Variants in VRK3 observed in about 807,000 individuals in gnomAD.
VRK3 encodes VRK serine/threonine kinase 3.
Under a neutral mutation model 60.4 loss-of-function variants are expected in VRK3, and 50 were observed. That is an observed-to-expected ratio of 0.83 (90% confidence interval 0.66 to 1.05). The LOEUF (loss-of-function observed/expected upper bound fraction) is 1.05. Ranked by LOEUF, VRK3 falls within the 50% of genes least tolerant of loss-of-function variation. The probability of loss-of-function intolerance (pLI) is 0.00; values close to 1 mark genes in which losing one functional copy is unlikely to be tolerated. For synonymous variants in VRK3, 246 were observed against 227.8 expected (o/e 1.08, Z -0.72); for missense variants, 549 against 585.3 (o/e 0.94, Z 0.64).
At chr19:50,015,708 C>G in intron 3 of VRK3, 2 of 331,738 alleles carry the variant, frequency 6.0e-6, no homozygotes, top group East Asian at 1.0e-4. Context: ...CAGTCCTCAT[C>G]ATTTCGGATA....
intron 12 of VRK3, chr19:49,987,982 G>A (rs1271034588): frequency 8.0e-5 from 13 of 163,512 alleles, no homozygotes; most frequent in Non-Finnish European, 1.6e-4. Context: ...GATTACAGGC[G>A]TGAGCCACCG....
At chr19:50,002,144 C>T (rs928783513) in intron 5 of VRK3, among the ~76,000 whole-genome samples, 8 of 152,190 alleles carry the variant, frequency 5.3e-5, no homozygotes, top group African/African-American at 1.7e-4. Context: ...ACCTGACTCA[C>T]GCTGGTGTCC....
intron 13 of VRK3, among the ~76,000 whole-genome samples, chr19:49,980,058 T>A (rs904500727): frequency 1.3e-5 from 2 of 150,950 alleles, no homozygotes; most frequent in African/African-American, 2.5e-5. Context: ...TCAAAAAAAA[T>A]AATAAAATAA....
At chr19:49,994,694 G>T in intron 9 of VRK3, 120 bp downstream of exon 9, 1 of 896,238 alleles carries the variant, frequency 1.1e-6, no homozygotes, top group Non-Finnish European at 1.7e-6. Flanking sequence ...CAGTGAGCCA[G>T]CCCCCAGTGT....
chr19:49,981,873 G>A, intron 12 of VRK3: 4 of 1,197,522 alleles, frequency 3.3e-6, no homozygotes, highest in Non-Finnish European at 4.3e-6. Context: ...CAAACATTTT[G>A]AGGAGATTTT....
At chr19:49,993,080 CCTGA>C (rs1195715256) in intron 9 of VRK3, 128 bp from the exon 10 acceptor site, 4 of 773,198 alleles carry the variant, frequency 5.2e-6, no homozygotes, top group Non-Finnish European at 8.4e-6. Flanking sequence ...GGGGGTTAAA[CCTGA>C]CTAAATCCGG....
rs190878574 is a variant in VRK3 at position 49,996,778 on chromosome 19, G to A, written c.679+726C>T. Among the ~76,000 whole-genome samples, 802 of 151,766 alleles carry A rather than the reference G, an allele frequency of 5.3e-3. 4 individuals carry two copies. The highest frequency in any genetic ancestry group is 0.016 in the South Asian group (78 of 4,792). On this transcript the variant is annotated intron_variant, in intron 7 of 14. Transcript: ENST00000316763. ...ATTACAGGCACACGCCACCACGCCT[G>A]GCTAATTTTTGTATTTTTAGTAGAG...
chr19:49,989,836 C>A, intron 10 of VRK3, 65 bp from the exon 11 acceptor site: 1 of 1,505,188 alleles, frequency 6.6e-7, no homozygotes, highest in South Asian at 1.3e-5. Flanking sequence ...AGATTTCCAT[C>A]GTGGGTGCAA....
chr19:50,013,984 T>C (rs2077035666), intron 3 of VRK3, among the ~76,000 whole-genome samples: 3 of 152,144 alleles, frequency 2.0e-5, no homozygotes, highest in Admixed American at 2.0e-4. Context: ...TCTGAAGGCA[T>C]GGCTGGGCGC....
chr19:50,023,706 C>T (rs2077208426), intron 1 of VRK3, among the ~76,000 whole-genome samples: 2 of 151,048 alleles, frequency 1.3e-5, no homozygotes, highest in East Asian at 4.0e-4. Context: ...ATCATTGTCT[C>T]CTTTGCAAAA....
chr19:49,979,707 G>C (rs2076390652), intron 13 of VRK3, among the ~76,000 whole-genome samples: 1 of 152,192 alleles, frequency 6.6e-6, no homozygotes, highest in Admixed American at 6.5e-5. Context: ...AACTGGAGGG[G>C]AGTGTCACTT....
chr19:49,984,979 ATGTG>A (rs10547355), intron 12 of VRK3, among the ~76,000 whole-genome samples: 71 of 152,154 alleles, frequency 4.7e-4, no homozygotes, highest in African/African-American at 1.5e-3. Flanking sequence ...CCAGAGAAGG[ATGTG>A]TGTGTGTGTC....
chr19:49,998,506 T>C (rs960809638), intron 6 of VRK3: 2 of 150,828 alleles, frequency 1.3e-5, no homozygotes, highest in Non-Finnish European at 2.9e-5. Context: ...GCACCAAATA[T>C]TTTAATTAAA....
At chr19:50,017,453 A>G (rs1185137492) in intron 2 of VRK3, among the ~76,000 whole-genome samples, 2 of 151,222 alleles carry the variant, frequency 1.3e-5, no homozygotes, top group African/African-American at 4.9e-5. Context: ...GCACGCCTGT[A>G]ATCCCAGCTA....
At chr19:50,024,973 C>T (rs1020054300) in intron 1 of VRK3, 6 of 152,232 alleles carry the variant, frequency 3.9e-5, no homozygotes, top group Admixed American at 3.3e-4. Context: ...GGCCGCACCT[C>T]CATAGAAACC....
chr19:49,982,956 A>C (rs1600652345), intron 12 of VRK3, among the ~76,000 whole-genome samples: 5 of 146,476 alleles, frequency 3.4e-5, no homozygotes, highest in South Asian at 4.4e-4. Flanking sequence ...CCCCAGCCCC[A>C]CCCTCCAGTT....
At position 50,007,814 on chromosome 19, in the gene VRK3, C is replaced by T. The variant is rs1422094490; in HGVS notation, c.302G>A (p.Arg101Lys). The change falls in exon 5 of 15, where the codon AGA becomes AAA. Residue 101 changes from arginine (R) to lysine (K), a missense_variant. Physicochemically the swap from Arg to Lys is conservative, Grantham distance 26. Transcript: ENST00000316763. ...AGGGCTGCTTTTGGGGGTTGGGGGT[C>T]TGCTCCCGGAGCCTGCAGGAGGATG... Reference protein sequence around the residue: ...SSERSKGSGSRPPTPKSSPQK... With the variant: ...SSERSKGSGSKPPTPKSSPQK... The T allele has an allele frequency of 8.1e-6, 13 of 1,614,206 alleles. No homozygotes were observed. Among genetic ancestry groups the T allele is most frequent in the Non-Finnish European group, 1.1e-5 (13 of 1,180,042 alleles).
At chr19:49,983,455 G>A (rs1173355466) in intron 12 of VRK3, among the ~76,000 whole-genome samples, 1 of 152,162 alleles carries the variant, frequency 6.6e-6, no homozygotes, top group African/African-American at 2.4e-5. Context: ...TCCCATGGCG[G>A]CCATTGACAT....
intron 2 of VRK3, among the ~76,000 whole-genome samples, chr19:50,018,750 G>T (rs937794339): frequency 6.6e-6 from 1 of 152,126 alleles, no homozygotes; most frequent in African/African-American, 2.4e-5. Context: ...GAAGCTAGAG[G>T]TCTCACTGCC....
Sources: allele counts gnomAD v4.1 joint callset (sites outside exome capture counted in the v4.1 genomes callset), GRCh38; gene constraint gnomAD v4.1.1; transcripts MANE v1.5; gene names NCBI Gene and HGNC (gene_info 2026-07-23, HGNC 2026-07-21).